The following PCDHA8 variants were observed in gnomAD, a reference collection of about 807,000 sequenced individuals.
PCDHA8 encodes the protein protocadherin alpha-8.
A neutral mutation model predicts 61.8 loss-of-function variants in PCDHA8; 53 were observed. That is an observed-to-expected ratio of 0.86 (90% confidence interval 0.69 to 1.08). The LOEUF (loss-of-function observed/expected upper bound fraction) is 1.08, where lower values mean the gene tolerates loss of function less well. PCDHA8 is among the 50% of genes least tolerant of loss of function. The pLI is 0.00. For missense variants in PCDHA8, 1,293 were observed against 1,245.0 expected (o/e 1.04, Z -0.58); for synonymous variants, 618 against 556.6 (o/e 1.11, Z -1.55).
At chr5:140,871,053 G>A in intron 1 of PCDHA8, 1 of 1,613,334 alleles carries the variant, frequency 6.2e-7, no homozygotes, top group East Asian at 2.2e-5. Flanking sequence ...TAGTACTGGT[G>A]AAGGATCACG....
chr5:140,869,999 G>A, intron 1 of PCDHA8: 1 of 1,613,514 alleles, frequency 6.2e-7, no homozygotes, highest in Non-Finnish European at 8.5e-7. Context: ...CAAAATAATG[G>A]AGAAGTGAGG....
At chr5:140,925,523 A>G (rs2082536331) in intron 1 of PCDHA8, among the ~76,000 whole-genome samples, 1 of 152,138 alleles carries the variant, frequency 6.6e-6, no homozygotes, top group African/African-American at 2.4e-5. Flanking sequence ...ACCAAATTAA[A>G]AGCGAGGAGA....
chr5:140,867,560 C>A (rs1352328708), intron 1 of PCDHA8: 1 of 152,070 alleles, frequency 6.6e-6, no homozygotes, highest in African/African-American at 2.4e-5. Context: ...CATATGATAA[C>A]TTTTTCATAT....
rs782343836 is a variant in PCDHA8 at position 140,869,112 on chromosome 5, T to C, written c.2394+25397T>C. 17 of 1,604,108 alleles carry C rather than the reference T, an allele frequency of 1.1e-5. No individual in the cohort carries two copies. The South Asian group carries it at 1.5e-4, about 15-fold the overall frequency. On this transcript the variant is annotated intron_variant, in intron 1 of 3. Coordinates refer to ENST00000531613, the MANE Select transcript of PCDHA8 (RefSeq NM_018911.3). ...AGCCAATTTCGTATGCGATGTTTGG[T>C]TTTCAGAGAAGGGGATTGGGCACCC...
At chr5:140,955,312 C>T (rs1022804259) in intron 1 of PCDHA8, among the ~76,000 whole-genome samples, 2 of 152,100 alleles carry the variant, frequency 1.3e-5, no homozygotes, top group Admixed American at 6.6e-5. Flanking sequence ...ACCCAAATCT[C>T]ACCTTGAATT....
Position 140,877,055 on chromosome 5 carries a change from T to C in PCDHA8, c.2394+33340T>C, listed in dbSNP as rs566250084. 7 of 1,612,792 alleles carry C rather than the reference T, an allele frequency of 4.3e-6. No homozygotes were observed. The Admixed American group carries it at 5.0e-5, about 12-fold the overall frequency. On this transcript the variant is annotated intron_variant, in intron 1 of 3. Coordinates refer to ENST00000531613, the MANE Select transcript of PCDHA8 (RefSeq NM_018911.3). ...CTGCAGCCGCTAGACCACGAGGAGC[T>C]GGAGCTGCTGCAGTTCCAGGTGAGC... is the stretch of plus-strand genomic sequence containing the variant.
intron 1 of PCDHA8, chr5:140,862,831 G>C (rs782083560): frequency 1.0e-5 from 6 of 572,658 alleles, no homozygotes; most frequent in African/African-American, 7.9e-5. Flanking sequence ...AGCGCGCGAC[G>C]CGGGCATGCC....
At chr5:140,987,262 G>A (rs563934474) in intron 3 of PCDHA8, among the ~76,000 whole-genome samples, 1 of 151,978 alleles carries the variant, frequency 6.6e-6, no homozygotes, top group South Asian at 2.1e-4. Context: ...TCTCAGGAAT[G>A]GGACCCGGCA....
At chr5:140,926,554 G>A (rs2083344574) in intron 1 of PCDHA8, 1 of 237,224 alleles carries the variant, frequency 4.2e-6, no homozygotes, top group Non-Finnish European at 8.0e-6. Context: ...CGAGACCCCA[G>A]CCCGCTGCTA....
At position 141,010,091 on chromosome 5, in the gene PCDHA8, A is replaced by G; in HGVS notation, c.*154A>G. The G allele has an allele frequency of 6.2e-7, 1 of 1,612,860 alleles. No individual in the cohort carries two copies. The highest frequency in any genetic ancestry group is 8.5e-7 in the Non-Finnish European group (1 of 1,179,382). ...AGTTCCCTGTGTCTGTCTAGAACGCATTTAACAGGTTTTGTCGTAAAAGCT... is the reference window on the plus strand; with the variant it reads ...AGTTCCCTGTGTCTGTCTAGAACGCGTTTAACAGGTTTTGTCGTAAAAGCT... On this transcript the variant is annotated 3_prime_UTR_variant, in exon 4 of 4. Coordinates refer to ENST00000531613, the MANE Select transcript of PCDHA8 (RefSeq NM_018911.3).
At chr5:140,978,301 C>T (rs1554239160) in intron 1 of PCDHA8, among the ~76,000 whole-genome samples, 1 of 152,168 alleles carries the variant, frequency 6.6e-6, no homozygotes, top group Admixed American at 6.5e-5. Flanking sequence ...GGAAAGCACT[C>T]AGGAAGGAGC....
In PCDHA8 at chr5:140,969,100, C is replaced by T. The variant is rs781998624; in HGVS notation, c.2395-9849C>T. ...ATGGCCTCAAAGTGCAGCCTCACTT[C>T]ATTGAAGTTCGAGGGAATGGCTCCC... On this transcript the variant is annotated intron_variant, in intron 1 of 3. Coordinates refer to ENST00000531613, the MANE Select transcript of PCDHA8 (RefSeq NM_018911.3). The T allele has an allele frequency of 8.7e-6, 14 of 1,614,054 alleles. No individual in the cohort carries two copies. The South Asian group carries it at 8.8e-5, about 10-fold the overall frequency.
chr5:140,841,278 T>A lies in PCDHA8; in HGVS notation c.-44T>A. Reference sequence around the variant, plus strand: ...GACTCTGAAAGTACAGTCGTTCATCTTTATATTAAGATAATATTTTCTGAT... The same window carrying A: ...GACTCTGAAAGTACAGTCGTTCATCATTATATTAAGATAATATTTTCTGAT... On this transcript the variant is annotated 5_prime_UTR_variant, in exon 1 of 4. Transcript: ENST00000531613. 5 of 1,521,548 alleles carry A rather than the reference T, an allele frequency of 3.3e-6. No individual in the cohort carries two copies. The highest frequency in any genetic ancestry group is 3.5e-6 in the Non-Finnish European group (4 of 1,129,412). The allele number at this position is 1,521,548 out of a possible 1,614,324, so 94.3% of individuals were successfully genotyped here.
intron 1 of PCDHA8, chr5:140,966,696 G>A (rs2096039255): frequency 7.4e-7 from 1 of 1,358,662 alleles, no homozygotes. Flanking sequence ...GGCGGGGCCC[G>A]GGCGTGGGGC....
At chr5:140,883,395 A>G (rs892476136) in intron 1 of PCDHA8, 2 of 1,614,048 alleles carry the variant, frequency 1.2e-6, no homozygotes, top group African/African-American at 1.3e-5. Context: ...AGTGTGTCCG[A>G]TCGTGACTCT....
intron 1 of PCDHA8, among the ~76,000 whole-genome samples, chr5:140,912,343 A>ATT (rs35252606): frequency 2.1e-4 from 30 of 143,908 alleles, no homozygotes; most frequent in African/African-American, 6.1e-4. Context: ...TACACTAAGT[A>ATT]TTTTTTTTTT....
chr5:140,854,310 T>C (rs2043072998), intron 1 of PCDHA8: 2 of 329,758 alleles, frequency 6.1e-6, no homozygotes, highest in Non-Finnish European at 8.7e-6. Context: ...GTGGAGATGA[T>C]TGATCAATGG....
chr5:140,875,432 T>C (rs1268206649), intron 1 of PCDHA8: 3 of 1,559,782 alleles, frequency 1.9e-6, no homozygotes, highest in Non-Finnish European at 2.6e-6. Flanking sequence ...AGCGATCCCT[T>C]AAAACTGATT....
chr5:140,947,347 G>A (rs1554218167), intron 1 of PCDHA8, among the ~76,000 whole-genome samples: 1 of 151,534 alleles, frequency 6.6e-6, no homozygotes, highest in Non-Finnish European at 1.5e-5. Context: ...CTTAATTCTG[G>A]ACTCTATTTC....
Sources: gnomAD v4.1 joint callset for allele counts (sites outside exome capture counted in the v4.1 genomes callset) on GRCh38, gnomAD v4.1.1 for gene constraint, MANE v1.5 for transcripts, NCBI Gene and HGNC (gene_info 2026-07-23, HGNC 2026-07-21) for gene names.